The following FYN variants were observed in gnomAD, a reference collection of about 807,000 sequenced individuals.
The protein encoded by FYN is tyrosine-protein kinase Fyn.
Under a neutral mutation model 70.2 loss-of-function variants are expected in FYN, and 10 were observed. The ratio of observed to expected loss-of-function variants is 0.14; its 90% CI spans 0.09 to 0.24. The LOEUF is 0.24. Ranked by LOEUF, FYN falls within the 10% of genes least tolerant of loss-of-function variation. The probability of loss-of-function intolerance (pLI) is 1.00; values close to 1 mark genes in which losing one functional copy is unlikely to be tolerated. For missense variants in FYN, 319 were observed against 673.1 expected (o/e 0.47, Z 5.82); for synonymous variants, 236 against 248.6 (o/e 0.95, Z 0.48).
At chr6:111,785,686 A>G (rs934003246) in intron 2 of FYN, among the ~76,000 whole-genome samples, 4 of 151,620 alleles carry the variant, frequency 2.6e-5, no homozygotes, top group African/African-American at 9.7e-5. Context: ...TTTTATTACT[A>G]TACTTTAAGT....
intron 3 of FYN, among the ~76,000 whole-genome samples, chr6:111,752,819 T>C (rs745534189): frequency 2.6e-5 from 4 of 152,170 alleles, no homozygotes; most frequent in Non-Finnish European, 4.4e-5. Context: ...AGGAAGAAGT[T>C]TTAGCAGTCC....
chr6:111,839,952 C>T (rs1773306556), intron 2 of FYN, among the ~76,000 whole-genome samples: 1 of 152,172 alleles, frequency 6.6e-6, no homozygotes, highest in Non-Finnish European at 1.5e-5. Context: ...TTTCCAAGGC[C>T]TCTTCCCAGC....
chr6:111,860,863 T>C (rs1338957827), intron 1 of FYN, among the ~76,000 whole-genome samples: 2 of 152,180 alleles, frequency 1.3e-5, no homozygotes, highest in South Asian at 2.1e-4. Context: ...TGTTGAATAA[T>C]GACTATGGGA....
At chr6:111,805,844 G>A (rs956715060) in intron 2 of FYN, among the ~76,000 whole-genome samples, 1 of 152,150 alleles carries the variant, frequency 6.6e-6, no homozygotes, top group Non-Finnish European at 1.5e-5. Context: ...TACAGGCCGT[G>A]TAAAAGTTGA....
chr6:111,673,619 A>ATCGTTTTTTTTT (rs1554272175), intron 13 of FYN, among the ~76,000 whole-genome samples: 1 of 65,008 alleles, frequency 1.5e-5, no homozygotes. Context: ...CGTTTCTATC[A>ATCGTTTTTTTTT]TTGTTTTTTT....
intron 2 of FYN, among the ~76,000 whole-genome samples, chr6:111,800,149 C>A (rs896423567): frequency 2.0e-5 from 3 of 152,186 alleles, no homozygotes; most frequent in East Asian, 3.8e-4. Context: ...TTTCTGCTGG[C>A]TCTTTGATTC....
intron 12 of FYN, among the ~76,000 whole-genome samples, chr6:111,679,053 C>T (rs1482594095): frequency 1.3e-5 from 2 of 152,310 alleles, no homozygotes; most frequent in East Asian, 3.9e-4. Context: ...CCAGCTGCTT[C>T]TTATCATCCC....
At chr6:111,842,084 C>T (rs572138250) in intron 2 of FYN, among the ~76,000 whole-genome samples, 2 of 152,118 alleles carry the variant, frequency 1.3e-5, no homozygotes. Context: ...GGTCCCCAGT[C>T]GCCAGAAAAG....
At chr6:111,750,011 T>C (rs1802412976) in intron 3 of FYN, among the ~76,000 whole-genome samples, 2 of 152,104 alleles carry the variant, frequency 1.3e-5, no homozygotes, top group African/African-American at 4.8e-5. Flanking sequence ...AAGTCTGACA[T>C]CTTTAACTTC....
chr6:111,827,258 A>T (rs191878915), intron 2 of FYN, among the ~76,000 whole-genome samples: 2 of 152,306 alleles, frequency 1.3e-5, no homozygotes, highest in South Asian at 2.1e-4. Context: ...CCACAATGTG[A>T]GGTATCATTA....
At chr6:111,705,993 C>T (rs1258649503) in intron 6 of FYN, among the ~76,000 whole-genome samples, 1 of 152,218 alleles carries the variant, frequency 6.6e-6, no homozygotes, top group Non-Finnish European at 1.5e-5. Context: ...GGTTACTGTA[C>T]ACCTTTGAGA....
chr6:111,863,620 T>C (rs1774025746), intron 1 of FYN, among the ~76,000 whole-genome samples: 1 of 152,178 alleles, frequency 6.6e-6, no homozygotes, highest in African/African-American at 2.4e-5. Context: ...TACTTTTCAA[T>C]ATAAAGCAGA....
At chr6:111,838,127 G>GT (rs1396504643) in intron 2 of FYN, among the ~76,000 whole-genome samples, 12 of 152,224 alleles carry the variant, frequency 7.9e-5, no homozygotes, top group African/African-American at 2.6e-4. Flanking sequence ...CATTACCCTA[G>GT]TAAGATTAGT....
At chr6:111,688,774 A>G (rs1386914071) in intron 12 of FYN, among the ~76,000 whole-genome samples, 1 of 152,210 alleles carries the variant, frequency 6.6e-6, no homozygotes, top group Non-Finnish European at 1.5e-5. Flanking sequence ...AGAGGCAGGG[A>G]TAGTTCTCAA....
intron 1 of FYN, among the ~76,000 whole-genome samples, chr6:111,865,706 G>A (rs1774085540): frequency 6.6e-6 from 1 of 152,194 alleles, no homozygotes; most frequent in South Asian, 2.1e-4. Flanking sequence ...CCAAATGTGT[G>A]AAAGTCATAA....
intron 3 of FYN, among the ~76,000 whole-genome samples, chr6:111,732,975 A>G (rs911704399): frequency 1.3e-5 from 2 of 152,044 alleles, no homozygotes; most frequent in African/African-American, 4.8e-5. Flanking sequence ...TTGGGAGGAG[A>G]TGGGGGAGGG....
At chr6:111,849,717 C>T (rs947755771) in intron 1 of FYN, among the ~76,000 whole-genome samples, 2 of 152,198 alleles carry the variant, frequency 1.3e-5, no homozygotes, top group Admixed American at 1.3e-4. Flanking sequence ...AAAGGCAGCC[C>T]CCAATAATTC....
chr6:111,756,915 A>G (rs555349504), intron 3 of FYN, among the ~76,000 whole-genome samples: 220 of 152,316 alleles, frequency 1.4e-3, no homozygotes, highest in Non-Finnish European at 2.9e-3. Flanking sequence ...ATCAGTAACA[A>G]GCTAAGGATC....
At chr6:111,690,171 A>T (rs543448088) in intron 12 of FYN, among the ~76,000 whole-genome samples, 17 of 152,272 alleles carry the variant, frequency 1.1e-4, no homozygotes, top group African/African-American at 3.6e-4. Context: ...GTCGGGGGTC[A>T]CAGGAGACAG....
Sources: gnomAD v4.1 joint callset for allele counts (sites outside exome capture counted in the v4.1 genomes callset) on GRCh38, gnomAD v4.1.1 for gene constraint, MANE v1.5 for transcripts, NCBI Gene and HGNC (gene_info 2026-07-23, HGNC 2026-07-21) for gene names.